TNIK: variants seen among roughly 807,000 people sequenced by gnomAD.
The protein encoded by TNIK is TRAF2 and NCK-interacting protein kinase.
TNIK carries 49 observed loss-of-function variants against 191.3 expected under a neutral mutation model. The ratio of observed to expected loss-of-function variants is 0.26; its 90% CI spans 0.20 to 0.32. The LOEUF (loss-of-function observed/expected upper bound fraction) is 0.32, where lower values mean the gene tolerates loss of function less well. Among genes scored for constraint, TNIK ranks in the 10% least tolerant of loss-of-function variants. The probability of loss-of-function intolerance (pLI) is 1.00; values close to 1 mark genes in which losing one functional copy is unlikely to be tolerated. For synonymous variants in TNIK, 594 were observed against 600.9 expected, an observed-to-expected ratio of 0.99 and a Z score of 0.17; for missense variants, 1,155 against 1,702.3, an observed-to-expected ratio of 0.68 and a Z score of 5.66.
chr3:171,198,262 C>CAA (rs35713743), intron 4 of TNIK, among the ~76,000 whole-genome samples: 242 of 142,882 alleles, frequency 1.7e-3, no homozygotes, highest in East Asian at 4.4e-3. Flanking sequence ...GACTCCGTCT[C>CAA]AAAAAAAAAA....
At chr3:171,269,617 G>A (rs1253112672) in intron 2 of TNIK, among the ~76,000 whole-genome samples, 1 of 152,142 alleles carries the variant, frequency 6.6e-6, no homozygotes, top group Non-Finnish European at 1.5e-5. Context: ...TTTTGTTGCT[G>A]TTGTCTCAAA....
intron 2 of TNIK, among the ~76,000 whole-genome samples, chr3:171,273,572 A>G (rs567778786): frequency 1.1e-4 from 16 of 152,230 alleles, no homozygotes; most frequent in Non-Finnish European, 2.1e-4. Flanking sequence ...ATTTTCACGC[A>G]TGGATAGTTG....
chr3:171,433,721 T>C (rs928498999), intron 1 of TNIK, among the ~76,000 whole-genome samples: 1 of 152,128 alleles, frequency 6.6e-6, no homozygotes, highest in Non-Finnish European at 1.5e-5. Flanking sequence ...TCCTGCTTGA[T>C]ATTTTTATTG....
chr3:171,148,759 G>C (rs1356945556), intron 12 of TNIK, among the ~76,000 whole-genome samples: 1 of 152,194 alleles, frequency 6.6e-6, no homozygotes, highest in Non-Finnish European at 1.5e-5. Context: ...CAGATATGCA[G>C]GGAATTTCAG....
rs1560154024 is a variant in TNIK at position 171,128,842 on chromosome 3, G to C, written c.1645C>G (p.Pro549Ala). 1 of 1,571,408 alleles carries C rather than the reference G, an allele frequency of 6.4e-7. No homozygotes were observed. The highest frequency in any genetic ancestry group is 8.6e-7 in the Non-Finnish European group (1 of 1,159,970). ...TTGGCAACCTTGTGAGGCATGGCAGGGGAACTTTGCCGGTTGAGCCTTGAC... is the reference window on the plus strand; with the variant it reads ...TTGGCAACCTTGTGAGGCATGGCAGCGGAACTTTGCCGGTTGAGCCTTGAC... Reference protein sequence around the residue: ...ERSRLNRQSSPAMPHKVANRI... With the variant: ...ERSRLNRQSSAAMPHKVANRI... The change falls in exon 16 of 33, where the codon CCT becomes GCT. Residue 549 changes from proline to alanine, a missense_variant. Physicochemically the swap from Pro to Ala is conservative, Grantham distance 27. This residue lies in a region of TNIK where 735 missense variants were observed against 848.0 expected (regional missense o/e 0.87). Coordinates refer to ENST00000436636, the MANE Select transcript of TNIK (RefSeq NM_015028.4).
intron 2 of TNIK, among the ~76,000 whole-genome samples, chr3:171,289,901 CAAAAA>C (rs143704401): frequency 0.039 from 3,048 of 77,832 alleles, 35 homozygotes; most frequent in South Asian, 0.064. Context: ...GACTCCGTCT[CAAAAA>C]AAAAAAAAAA....
In TNIK at chr3:171,062,963, T is replaced by C. The variant is rs1717981783; in HGVS notation, c.*918A>G. ...GCTTTGTGCATTTTAAAAAAGACTATGTAAGCTTGTTTCCCAGAAGCTCTT... is the reference window on the plus strand; with the variant it reads ...GCTTTGTGCATTTTAAAAAAGACTACGTAAGCTTGTTTCCCAGAAGCTCTT... On this transcript the variant is annotated 3_prime_UTR_variant, in exon 33 of 33. Coordinates refer to ENST00000436636, the MANE Select transcript of TNIK (RefSeq NM_015028.4). 6.6e-6 allele frequency: 1 copy of C among 152,152 alleles called. No individual in the cohort carries two copies. The highest frequency in any genetic ancestry group is 2.4e-5 in the African/African-American group (1 of 41,436). The allele number at this position is 152,152 out of a possible 1,614,324, so 9.4% of individuals were successfully genotyped here.
At chr3:171,219,067 ATATATAAATATATATTT>A (rs1169007279) in intron 3 of TNIK, among the ~76,000 whole-genome samples, 17 of 129,308 alleles carry the variant, frequency 1.3e-4, no homozygotes, top group Non-Finnish European at 2.3e-4. Flanking sequence ...AATATATTAA[ATATATAAATATATATTT>A]TATATAAATA....
chr3:171,207,571 C>T (rs1740255852), intron 4 of TNIK, among the ~76,000 whole-genome samples: 1 of 152,024 alleles, frequency 6.6e-6, no homozygotes, highest in African/African-American at 2.4e-5. Context: ...ACCCGTTTTC[C>T]TTGAGGTGGC....
rs181476868 is a variant in TNIK at position 171,303,817 on chromosome 3, T to G, written c.123+65803A>C. ...TGACTCCACCTGTTTTCTGGTGGTG[T>G]TAAGAAAAATATCATTGCTAGCCTA... On this transcript the variant is annotated intron_variant, in intron 2 of 32. Coordinates refer to ENST00000436636, the MANE Select transcript of TNIK (RefSeq NM_015028.4). Among the ~76,000 whole-genome samples the G allele has an allele frequency of 2.0e-5, 3 of 152,204 alleles. No homozygotes were observed. In the East Asian group the frequency reaches 5.8e-4, roughly 29 times the overall value.
chr3:171,270,561 T>C (rs1748968485), intron 2 of TNIK, among the ~76,000 whole-genome samples: 1 of 152,216 alleles, frequency 6.6e-6, no homozygotes, highest in African/African-American at 2.4e-5. Context: ...AAAATTCGTC[T>C]CTAATCGCCA....
chr3:171,146,464 C>T lies in TNIK; in HGVS notation c.1222-5955G>A, dbSNP rs147230497. 2.1e-3 allele frequency among the ~76,000 whole-genome samples: 321 copies of T among 152,118 alleles called. 1 individual carries two copies. The highest frequency in any genetic ancestry group is 7.5e-3 in the African/African-American group (312 of 41,488). ...TTAATATCCTATAGCTGCAATGCAACGTGTCATTGGGATAGAGGGGTAGGC... is the reference window on the plus strand; with the variant it reads ...TTAATATCCTATAGCTGCAATGCAATGTGTCATTGGGATAGAGGGGTAGGC... On this transcript the variant is annotated intron_variant, in intron 12 of 32. Coordinates refer to ENST00000436636, the MANE Select transcript of TNIK (RefSeq NM_015028.4).
chr3:171,240,301 CA>C (rs1744797507), intron 2 of TNIK, among the ~76,000 whole-genome samples: 1 of 152,146 alleles, frequency 6.6e-6, no homozygotes, highest in Admixed American at 6.5e-5. Flanking sequence ...TAGAGCTCTG[CA>C]GGCCCTATAG....
chr3:171,071,316 A>G lies in TNIK; in HGVS notation c.3456T>C (p.Tyr1152=). 1 of 1,585,368 alleles carries G rather than the reference A, an allele frequency of 6.3e-7. No individual in the cohort carries two copies. Among genetic ancestry groups the G allele is most frequent in the African/African-American group, 1.3e-5 (1 of 74,624 alleles). The change falls in exon 29 of 33, where the codon TAT becomes TAC. Residue 1152 remains tyrosine, a synonymous_variant. Transcript: ENST00000436636. ...EGCIHYKVVK[Y]ERIKFLVIAL... ...CAATCACCAAAAATTTGATCCTTTC[A>G]TATTTAACTGTAATAGAAAAATTAT...
chr3:171,316,920 CATATAAAATATATAATT>C (rs1754666949), intron 2 of TNIK, among the ~76,000 whole-genome samples: 2 of 91,614 alleles, frequency 2.2e-5, no homozygotes, highest in African/African-American at 5.0e-5. Flanking sequence ...TGATATATAT[CATATAAAATATATAATT>C]ATATGATATA....
At chr3:171,248,574 A>G (rs1745874273) in intron 2 of TNIK, among the ~76,000 whole-genome samples, 1 of 152,344 alleles carries the variant, frequency 6.6e-6, no homozygotes, top group Admixed American at 6.5e-5. Flanking sequence ...CCGAGGGCTT[A>G]GTCAACATCA....
intron 2 of TNIK, among the ~76,000 whole-genome samples, chr3:171,272,562 A>G (rs1040808173): frequency 6.6e-6 from 1 of 152,124 alleles, no homozygotes; most frequent in Admixed American, 6.5e-5. Context: ...CTGACTGTAC[A>G]TTTTTAAATA....
chr3:171,385,469 A>C (rs1357427922), intron 1 of TNIK, among the ~76,000 whole-genome samples: 1 of 152,100 alleles, frequency 6.6e-6, no homozygotes, highest in Non-Finnish European at 1.5e-5. Flanking sequence ...AACCCTGCTC[A>C]AGAAAGGAGA....
At chr3:171,205,020 T>C (rs1739882213) in intron 4 of TNIK, among the ~76,000 whole-genome samples, 1 of 152,146 alleles carries the variant, frequency 6.6e-6, no homozygotes, top group African/African-American at 2.4e-5. Context: ...AATAAGATAA[T>C]ATGACAAAGT....
Sources: allele counts gnomAD v4.1 joint callset (sites outside exome capture counted in the v4.1 genomes callset), GRCh38; gene constraint gnomAD v4.1.1; regional missense constraint gnomAD v4.1.1; transcripts MANE v1.5; gene names NCBI Gene and HGNC (gene_info 2026-07-23, HGNC 2026-07-21).